The following ARHGAP11B variants were observed in gnomAD, a reference collection of about 807,000 sequenced individuals.
ARHGAP11B encodes the protein inactive Rho GTPase-activating protein 11B.
Under a neutral mutation model 27.6 loss-of-function variants are expected in ARHGAP11B, and 14 were observed. The observed-to-expected ratio is 0.51, with a 90% CI of 0.34 to 0.79. ARHGAP11B has a LOEUF of 0.79. Among genes scored for constraint, ARHGAP11B ranks in the 30% least tolerant of loss-of-function variants. The probability of loss-of-function intolerance (pLI) is 0.02; values close to 1 mark genes in which losing one functional copy is unlikely to be tolerated. For missense variants in ARHGAP11B, 245 were observed against 320.1 expected (o/e 0.77, Z 1.79); for synonymous variants, 82 against 114.1 (o/e 0.72, Z 1.80).
intron 6 of ARHGAP11B, among the ~76,000 whole-genome samples, chr15:30,637,603 G>T (rs1426131774): frequency 6.6e-6 from 1 of 151,812 alleles, no homozygotes. Flanking sequence ...GCGTGGTGGC[G>T]GGCGCCTGTA....
intron 7 of ARHGAP11B, among the ~76,000 whole-genome samples, chr15:30,640,684 A>G (rs1053143563): frequency 6.6e-6 from 1 of 151,804 alleles, no homozygotes; most frequent in East Asian, 1.9e-4. Context: ...GTTCCTTCCC[A>G]AAGCCTGTCT....
At chr15:30,626,834 G>C (rs781140366) in exon 1 of ARHGAP11B, 1 of 1,613,720 alleles carries the variant, frequency 6.2e-7, no homozygotes, top group Non-Finnish European at 8.5e-7. Flanking sequence ...TGGGATCAGA[G>C]GCTGGTGAAG....
chr15:30,644,326 C>T (rs556801705), intron 7 of ARHGAP11B, among the ~76,000 whole-genome samples: 1 of 151,924 alleles, frequency 6.6e-6, no homozygotes, highest in African/African-American at 2.4e-5. Context: ...TGGCACGGTA[C>T]CCAATAGATA....
At chr15:30,649,088 C>G (rs1396532562) in exon 11 of ARHGAP11B, 1 of 152,136 alleles carries the variant, frequency 6.6e-6, no homozygotes, top group East Asian at 1.9e-4. Context: ...GTACAGTCAT[C>G]CCTCTGTATC....
At chr15:30,643,931 G>T (rs1316920500) in intron 7 of ARHGAP11B, among the ~76,000 whole-genome samples, 1 of 151,938 alleles carries the variant, frequency 6.6e-6, no homozygotes, top group Non-Finnish European at 1.5e-5. Flanking sequence ...CCAACTACAT[G>T]GTTTCTTCAC....
At chr15:30,631,572 G>A (rs1474123847) in intron 2 of ARHGAP11B, among the ~76,000 whole-genome samples, 1 of 151,950 alleles carries the variant, frequency 6.6e-6, no homozygotes, top group African/African-American at 2.4e-5. Context: ...TGAAGCTGAG[G>A]CAGATGATTG....
exon 3 of ARHGAP11B, chr15:30,633,573 T>G (rs1278825343): frequency 1.2e-6 from 2 of 1,612,828 alleles, no homozygotes; most frequent in Admixed American, 1.7e-5. Flanking sequence ...GTGATTCGCC[T>G]AAAAGCACTA....
intron 7 of ARHGAP11B, among the ~76,000 whole-genome samples, chr15:30,643,755 T>C (rs12900294): frequency 0.082 from 12,401 of 152,122 alleles, 755 homozygotes; most frequent in Middle Eastern, 0.15. Flanking sequence ...ATATGCATTT[T>C]AGTAAGAATA....
intron 1 of ARHGAP11B, among the ~76,000 whole-genome samples, chr15:30,628,374 C>G (rs1309566642): frequency 6.6e-6 from 1 of 152,004 alleles, no homozygotes; most frequent in Non-Finnish European, 1.5e-5. Flanking sequence ...AGCCACTGCA[C>G]CTGTCCTTTT....
At chr15:30,637,758 C>G (rs933668724) in intron 6 of ARHGAP11B, among the ~76,000 whole-genome samples, 1 of 150,468 alleles carries the variant, frequency 6.6e-6, no homozygotes, top group African/African-American at 2.4e-5. Flanking sequence ...AAAAAAGAAT[C>G]TTCTTGGTCT....
chr15:30,643,849 T>A (rs2060329322), intron 7 of ARHGAP11B, among the ~76,000 whole-genome samples: 1 of 152,048 alleles, frequency 6.6e-6, no homozygotes, highest in Admixed American at 6.6e-5. Flanking sequence ...AGAAGTTAGG[T>A]ATAGAAATGA....
chr15:30,637,400 A>G (rs1319727655), intron 6 of ARHGAP11B, among the ~76,000 whole-genome samples: 6 of 152,116 alleles, frequency 3.9e-5, no homozygotes, highest in Non-Finnish European at 8.8e-5. Flanking sequence ...TTTGTGTCAT[A>G]TAAGATTCTA....
chr15:30,635,425 C>G, intron 5 of ARHGAP11B, 62 bp from the exon 6 acceptor site: 1 of 1,552,742 alleles, frequency 6.4e-7, no homozygotes, highest in Non-Finnish European at 8.7e-7. Flanking sequence ...AGTATCTAAA[C>G]ATTTTTGGGG....
intron 7 of ARHGAP11B, among the ~76,000 whole-genome samples, chr15:30,642,486 A>G (rs981582461): frequency 6.6e-6 from 1 of 152,068 alleles, no homozygotes; most frequent in African/African-American, 2.4e-5. Context: ...AATTACATTC[A>G]GGAGTCAGGT....
chr15:30,635,681 G>A (rs898566784), intron 6 of ARHGAP11B, 48 bp downstream of exon 6: 3 of 1,595,080 alleles, frequency 1.9e-6, no homozygotes, highest in South Asian at 2.2e-5. Context: ...TGCTTTAATC[G>A]AAAGTACATT....
exon 6 of ARHGAP11B, chr15:30,635,492 G>C: frequency 6.2e-7 from 1 of 1,613,346 alleles, no homozygotes; most frequent in Non-Finnish European, 8.5e-7. Flanking sequence ...TTTAGGGCGT[G>C]TACCAGACTT....
intron 2 of ARHGAP11B, among the ~76,000 whole-genome samples, chr15:30,631,000 A>AG (rs1258414057): frequency 1.3e-5 from 2 of 151,862 alleles, no homozygotes; most frequent in Non-Finnish European, 2.9e-5. Context: ...TGAGCCCAGG[A>AG]GGTGGAGGCT....
intron 1 of ARHGAP11B, among the ~76,000 whole-genome samples, chr15:30,628,083 T>A: frequency 6.6e-6 from 1 of 151,124 alleles, no homozygotes; most frequent in Non-Finnish European, 1.5e-5. Flanking sequence ...CTTTTCCTTT[T>A]TTTTTTTTTG....
Position 30,639,044 on chromosome 15 carries a change from A to G in ARHGAP11B, c.*78+224A>G, listed in dbSNP as rs372278368. On this transcript the variant is annotated intron_variant, in intron 7 of 10. Transcript: ENST00000428041. ...TAGGCAAAAATTTTTTTAGTTTCCT[A>G]TGTCTTTAATCTTCTTAATCATGCT... 1.5e-4 allele frequency among the ~76,000 whole-genome samples: 23 copies of G among 152,094 alleles called. 1 individual carries two copies. The East Asian group carries it at 2.9e-3, about 19-fold the overall frequency.
Sources: gnomAD v4.1 joint callset for allele counts (sites outside exome capture counted in the v4.1 genomes callset) on GRCh38, gnomAD v4.1.1 for gene constraint, MANE v1.5 for transcripts, NCBI Gene and HGNC (gene_info 2026-07-23, HGNC 2026-07-21) for gene names.